Variants in ADAM12 observed in about 807,000 individuals in gnomAD.
The protein encoded by ADAM12 is disintegrin and metalloproteinase domain-containing protein 12.
Under a neutral mutation model 106.4 loss-of-function variants are expected in ADAM12, and 70 were observed. The observed-to-expected ratio is 0.66, with a 90% CI of 0.54 to 0.80. ADAM12 has a LOEUF of 0.80. Ranked by LOEUF, ADAM12 falls within the 30% of genes least tolerant of loss-of-function variation. The pLI, the probability that ADAM12 is intolerant of heterozygous loss-of-function variation, is 0.00. For synonymous variants in ADAM12, 420 were observed against 433.5 expected (o/e 0.97, Z 0.39); for missense variants, 1,010 against 1,171.9 (o/e 0.86, Z 2.02).
intron 3 of ADAM12, among the ~76,000 whole-genome samples, chr10:126,160,844 C>T (rs1956919579): frequency 6.6e-6 from 1 of 152,228 alleles, no homozygotes; most frequent in South Asian, 2.1e-4. Context: ...CCAACACTGG[C>T]CTCTGGTTGG....
intron 11 of ADAM12, among the ~76,000 whole-genome samples, chr10:126,081,058 T>C (rs924039474): frequency 6.6e-6 from 1 of 151,466 alleles, no homozygotes; most frequent in African/African-American, 2.4e-5. Flanking sequence ...TGCTGGAAAT[T>C]AGGCGTCTGG....
At chr10:126,104,448 TAA>T (rs541719234) in intron 8 of ADAM12, among the ~76,000 whole-genome samples, 27 of 100,702 alleles carry the variant, frequency 2.7e-4, no homozygotes, top group Admixed American at 5.4e-4. Flanking sequence ...AGACTCTGTC[TAA>T]AAAAAAAAAA....
intron 2 of ADAM12, among the ~76,000 whole-genome samples, chr10:126,281,203 C>T (rs1388961049): frequency 6.6e-6 from 1 of 152,056 alleles, no homozygotes; most frequent in Non-Finnish European, 1.5e-5. Flanking sequence ...AAATATGTCT[C>T]AATATTCTGT....
At chr10:126,201,946 A>G (rs929770274) in intron 3 of ADAM12, among the ~76,000 whole-genome samples, 1 of 152,158 alleles carries the variant, frequency 6.6e-6, no homozygotes, top group Non-Finnish European at 1.5e-5. Flanking sequence ...TCGTTCACAT[A>G]AAGAACGTCC....
At chr10:126,096,880 C>T (rs1955567942) in intron 10 of ADAM12, among the ~76,000 whole-genome samples, 1 of 152,306 alleles carries the variant, frequency 6.6e-6, no homozygotes, top group Admixed American at 6.5e-5. Context: ...TTGCATGACA[C>T]ATAATTTGCT....
At chr10:126,213,003 G>T (rs1232812899) in intron 3 of ADAM12, among the ~76,000 whole-genome samples, 1 of 152,044 alleles carries the variant, frequency 6.6e-6, no homozygotes, top group Admixed American at 6.6e-5. Flanking sequence ...ATTGTGGGAG[G>T]GATCTTTAGT....
At position 126,277,782 on chromosome 10, in the gene ADAM12, T is replaced by A. The variant is rs112610857; in HGVS notation, c.260+1133A>T. 1.6e-3 allele frequency among the ~76,000 whole-genome samples: 239 copies of A among 152,222 alleles called. 1 individual carries two copies. Among genetic ancestry groups the A allele is most frequent in the African/African-American group, 5.3e-3 (222 of 41,538 alleles). On this transcript the variant is annotated intron_variant, in intron 3 of 22. Transcript: ENST00000448723. ...TCTATTTAATGGTGAGCAGTAAGAA[T>A]GTAAGAAAAAAAACACAAAAGAGGC...
chr10:126,257,889 T>C (rs1958923722), intron 3 of ADAM12, among the ~76,000 whole-genome samples: 1 of 152,194 alleles, frequency 6.6e-6, no homozygotes, highest in South Asian at 2.1e-4. Flanking sequence ...GTCATGGATT[T>C]CTGGACAACG....
chr10:126,102,543 G>A (rs1379160392), intron 8 of ADAM12, among the ~76,000 whole-genome samples: 1 of 152,176 alleles, frequency 6.6e-6, no homozygotes, highest in Admixed American at 6.5e-5. Context: ...CCCACATAAG[G>A]TGAGCTCATC....
chr10:126,357,998 C>T (rs908734609), intron 1 of ADAM12, among the ~76,000 whole-genome samples: 3 of 152,062 alleles, frequency 2.0e-5, no homozygotes, highest in Non-Finnish European at 2.9e-5. Flanking sequence ...TACCCTGATG[C>T]CAAAGGCAGA....
intron 3 of ADAM12, among the ~76,000 whole-genome samples, chr10:126,278,666 G>GA (rs1448625048): frequency 1.3e-4 from 20 of 152,068 alleles, no homozygotes; most frequent in Admixed American, 2.6e-4. Flanking sequence ...ACCAGGCACT[G>GA]AAAAAATAAA....
At chr10:126,161,318 T>A (rs1461302302) in intron 3 of ADAM12, among the ~76,000 whole-genome samples, 2 of 152,186 alleles carry the variant, frequency 1.3e-5, no homozygotes, top group Admixed American at 1.3e-4. Context: ...ATTATTTTTT[T>A]AATCCCTATT....
intron 3 of ADAM12, among the ~76,000 whole-genome samples, chr10:126,209,997 A>C (rs1418470023): frequency 6.6e-6 from 1 of 152,226 alleles, no homozygotes; most frequent in Non-Finnish European, 1.5e-5. Context: ...GCAGACTCAC[A>C]TAACTACATC....
At position 126,049,554 on chromosome 10, in the gene ADAM12, T is replaced by G; in HGVS notation, c.1718+7A>C. 2.5e-6 allele frequency: 4 copies of G among 1,614,132 alleles called. No homozygotes were observed. The highest frequency in any genetic ancestry group is 3.4e-6 in the Non-Finnish European group (4 of 1,179,964). On this transcript the variant is annotated splice_region_variant and intron_variant, in intron 15 of 22. Coordinates refer to ENST00000448723, the MANE Select transcript of ADAM12 (RefSeq NM_001288973.2). This position sits in a 1 kb window ranked among gnomAD's most constrained non-coding sequence, Gnocchi z 4.4. Reference sequence around the variant, plus strand: ...AAAGACTTTGCCAGGATGTCTGGATTCCATACCTCATCTCGCATTTGGCAA... The same window carrying G: ...AAAGACTTTGCCAGGATGTCTGGATGCCATACCTCATCTCGCATTTGGCAA...
chr10:126,347,672 A>T (rs1450540617), intron 1 of ADAM12, among the ~76,000 whole-genome samples: 1 of 152,226 alleles, frequency 6.6e-6, no homozygotes, highest in Non-Finnish European at 1.5e-5. Context: ...GCATTTACTT[A>T]TCACTGAAAT....
At chr10:126,334,692 A>G (rs1007008215) in intron 1 of ADAM12, among the ~76,000 whole-genome samples, 16 of 152,212 alleles carry the variant, frequency 1.1e-4, no homozygotes, top group Admixed American at 6.5e-5. Context: ...GGCTGCCTGC[A>G]TGAGTCCTGC....
chr10:126,196,880 C>T (rs1471623259), intron 3 of ADAM12, among the ~76,000 whole-genome samples: 1 of 152,066 alleles, frequency 6.6e-6, no homozygotes, highest in Non-Finnish European at 1.5e-5. Context: ...TTTAACTTTT[C>T]AAAAATGTCA....
intron 3 of ADAM12, among the ~76,000 whole-genome samples, chr10:126,164,201 A>C (rs1449236339): frequency 6.6e-6 from 1 of 152,228 alleles, no homozygotes; most frequent in Non-Finnish European, 1.5e-5. Flanking sequence ...ATTTCTTTGA[A>C]GACCATACGT....
intron 2 of ADAM12, among the ~76,000 whole-genome samples, chr10:126,324,419 G>T (rs1030601930): frequency 1.3e-5 from 2 of 152,174 alleles, no homozygotes; most frequent in South Asian, 2.1e-4. Context: ...AGGGGTGGGG[G>T]CTCTAGAGTC....
Sources: allele counts gnomAD v4.1 joint callset (sites outside exome capture counted in the v4.1 genomes callset), GRCh38; gene constraint gnomAD v4.1.1; non-coding constraint Gnocchi (gnomAD v3.1); transcripts MANE v1.5; gene names NCBI Gene and HGNC (gene_info 2026-07-23, HGNC 2026-07-21).